TESK2: variants seen among roughly 807,000 people sequenced by gnomAD.
TESK2 encodes the protein dual specificity testis-specific protein kinase 2.
In TESK2, 39 loss-of-function variants were observed where a neutral mutation model predicts 57.1. The ratio of observed to expected loss-of-function variants is 0.68; its 90% confidence interval spans 0.53 to 0.89. The LOEUF (loss-of-function observed/expected upper bound fraction) is 0.89, where lower values mean the gene tolerates loss of function less well. Ranked by LOEUF, TESK2 falls within the 40% of genes least tolerant of loss-of-function variation. TESK2 has a pLI of 0.00. For synonymous variants in TESK2, 249 were observed against 267.9 expected (o/e 0.93, Z 0.69); for missense variants, 646 against 732.1 (o/e 0.88, Z 1.36).
At chr1:45,448,994 G>A (rs1487563813) in intron 2 of TESK2, among the ~76,000 whole-genome samples, 1 of 152,062 alleles carries the variant, frequency 6.6e-6, no homozygotes, top group African/African-American at 2.4e-5. Context: ...GAAGGCTGAG[G>A]CAGGTGGATC....
chr1:45,452,610 C>T (rs1651913564), intron 2 of TESK2, among the ~76,000 whole-genome samples: 1 of 152,026 alleles, frequency 6.6e-6, no homozygotes, highest in South Asian at 2.1e-4. Context: ...CAGAGAGGGA[C>T]CCCATCTTAA....
intron 2 of TESK2, among the ~76,000 whole-genome samples, chr1:45,450,929 A>T (rs1651846536): frequency 6.6e-6 from 1 of 152,160 alleles, no homozygotes; most frequent in African/African-American, 2.4e-5. Flanking sequence ...TAGCTTCCCA[A>T]AGTGCTGGGG....
intron 2 of TESK2, among the ~76,000 whole-genome samples, chr1:45,453,910 T>A: frequency 6.6e-6 from 1 of 152,126 alleles, no homozygotes; most frequent in East Asian, 1.9e-4. Flanking sequence ...AACAAGTACA[T>A]GAAAAGATGC....
intron 2 of TESK2, among the ~76,000 whole-genome samples, chr1:45,455,183 T>A (rs539340345): frequency 5.4e-4 from 83 of 152,342 alleles, no homozygotes; most frequent in Non-Finnish European, 9.1e-4. Flanking sequence ...CATAAAACTT[T>A]AAGATTTTAT....
intron 1 of TESK2, among the ~76,000 whole-genome samples, chr1:45,489,818 G>T (rs556465367): frequency 6.4e-4 from 97 of 152,218 alleles, no homozygotes; most frequent in African/African-American, 2.1e-3. Context: ...AACAAACCCT[G>T]AAACTTAACT....
At chr1:45,372,168 A>C (rs1178219993) in intron 4 of TESK2, among the ~76,000 whole-genome samples, 1 of 151,950 alleles carries the variant, frequency 6.6e-6, no homozygotes, top group African/African-American at 2.4e-5. Context: ...GAATCACTTG[A>C]GCTTGGGAGA....
In TESK2 at chr1:45,344,270, A is replaced by G. The variant is rs1647104800; in HGVS notation, c.*570T>C. The G allele has an allele frequency of 6.3e-6, 1 of 158,256 alleles. No homozygotes were observed. Among genetic ancestry groups the G allele is most frequent in the African/African-American group, 2.4e-5 (1 of 41,622 alleles). 9.8% of individuals were successfully genotyped at this position (158,256 alleles called of 1,614,324 possible). ...TCTTTGAATAGGTTAGCTAAGAGCCATGACCACCACGCTGCCTTGCTGTCC... is the reference window on the plus strand; with the variant it reads ...TCTTTGAATAGGTTAGCTAAGAGCCGTGACCACCACGCTGCCTTGCTGTCC... On this transcript the variant is annotated 3_prime_UTR_variant, in exon 11 of 11. Coordinates refer to ENST00000372086, the MANE Select transcript of TESK2 (RefSeq NM_007170.3).
chr1:45,421,315 GGATA>G (rs1650465892), intron 3 of TESK2, among the ~76,000 whole-genome samples: 1 of 152,086 alleles, frequency 6.6e-6, no homozygotes, highest in African/African-American at 2.4e-5. Context: ...TAAAAGTTAA[GGATA>G]GATAACTTGA....
At position 45,347,518 on chromosome 1, in the gene TESK2, C is replaced by T; in HGVS notation, c.708+91G>A. 4 of 1,239,532 alleles carry T rather than the reference C, an allele frequency of 3.2e-6. No individual in the cohort carries two copies. In the South Asian group the frequency reaches 5.4e-5, roughly 17 times the overall value. 76.8% of individuals were successfully genotyped at this position (1,239,532 alleles called of 1,614,324 possible). A position where few individuals can be genotyped will look rare whatever the true frequency, so the allele number is the denominator to read the frequency against. ...GAGGCAGTAAGCCGAGATCGTGCCA[C>T]TGCATTCCAGCCTGAGCAACATAGT... is the stretch of plus-strand genomic sequence containing the variant. On this transcript the variant is annotated intron_variant, in intron 7 of 10. Coordinates refer to ENST00000372086, the MANE Select transcript of TESK2 (RefSeq NM_007170.3).
At chr1:45,415,288 T>G in intron 3 of TESK2, 1 of 1,316,748 alleles carries the variant, frequency 7.6e-7, no homozygotes, top group Non-Finnish European at 1.1e-6. Flanking sequence ...GCACTTTGGG[T>G]CTGGGAATGG....
chr1:45,420,564 A>T (rs1386535837), intron 3 of TESK2, among the ~76,000 whole-genome samples: 15 of 125,732 alleles, frequency 1.2e-4, no homozygotes, highest in Middle Eastern at 6.0e-3. Context: ...GCCAAATAAA[A>T]TTTTTTTTTT....
Position 45,345,571 on chromosome 1 carries a change from C to G in TESK2, c.998-13G>C. On this transcript the variant is annotated splice_polypyrimidine_tract_variant and intron_variant, in intron 10 of 10. Transcript: ENST00000372086. ...TTCTCCAAGAGTCCTGAAGAATAAT[C>G]AAGTCTGGGTTACTCTCACTAGTCA... 2 of 1,606,476 alleles carry G rather than the reference C, an allele frequency of 1.2e-6. No homozygotes were observed. Among genetic ancestry groups the G allele is most frequent in the South Asian group, 2.2e-5 (2 of 90,380 alleles).
rs76864157 is a variant in TESK2, at chr1:45,365,998, G to A, written c.394-10549C>T. 0.04 allele frequency among the ~76,000 whole-genome samples: 6,030 copies of A among 151,910 alleles called. 606 individuals are homozygous for A. In the East Asian group the frequency reaches 0.43, roughly 11 times the overall value. On this transcript the variant is annotated intron_variant, in intron 4 of 10. Coordinates refer to ENST00000372086, the MANE Select transcript of TESK2 (RefSeq NM_007170.3). Reference sequence around the variant, plus strand: ...CTAATTTTGTATTTTTAGTAGAGACGGGGTTTCACCATGTTGGCCAGGCTG... The same window carrying A: ...CTAATTTTGTATTTTTAGTAGAGACAGGGTTTCACCATGTTGGCCAGGCTG...
chr1:45,458,073 T>A (rs1652179429), intron 1 of TESK2, among the ~76,000 whole-genome samples: 1 of 152,222 alleles, frequency 6.6e-6, no homozygotes, highest in Non-Finnish European at 1.5e-5. Context: ...GAGTAGAATA[T>A]CATGAAGATC....
At chr1:45,345,700 G>A in intron 10 of TESK2, 142 bp from the exon 11 acceptor site, 1 of 938,118 alleles carries the variant, frequency 1.1e-6, no homozygotes. Context: ...TCAGAGAGGG[G>A]AAGCAGTATG....
At chr1:45,478,618 A>G (rs1327041408) in intron 1 of TESK2, among the ~76,000 whole-genome samples, 1 of 152,236 alleles carries the variant, frequency 6.6e-6, no homozygotes. Flanking sequence ...CTTACGGGCC[A>G]GGCACTATGC....
At chr1:45,350,728 G>A (rs1647218998) in intron 5 of TESK2, among the ~76,000 whole-genome samples, 1 of 152,136 alleles carries the variant, frequency 6.6e-6, no homozygotes, top group African/African-American at 2.4e-5. Context: ...TTGTGTAATG[G>A]CCTGCTGACT....
chr1:45,450,179 A>T (rs1197713353), intron 2 of TESK2, among the ~76,000 whole-genome samples: 2 of 152,246 alleles, frequency 1.3e-5, no homozygotes, highest in Non-Finnish European at 2.9e-5. Flanking sequence ...TATTAAAATT[A>T]TAAAAGTTCT....
chr1:45,471,584 T>A (rs1652764948), intron 1 of TESK2, among the ~76,000 whole-genome samples: 1 of 151,842 alleles, frequency 6.6e-6, no homozygotes. Context: ...TTTTTTGTAT[T>A]TTTAGTGGAG....
Sources: allele counts gnomAD v4.1 joint callset (sites outside exome capture counted in the v4.1 genomes callset), GRCh38; gene constraint gnomAD v4.1.1; transcripts MANE v1.5; gene names NCBI Gene and HGNC (gene_info 2026-07-23, HGNC 2026-07-21).